ARHGEF10L: variants seen among roughly 807,000 people sequenced by gnomAD.
ARHGEF10L encodes Rho guanine nucleotide exchange factor 10 like, also known as rho guanine nucleotide exchange factor 10-like protein.
A neutral mutation model predicts 141.2 loss-of-function variants in ARHGEF10L; 69 were observed. The observed-to-expected ratio is 0.49, with a 90% CI of 0.40 to 0.60. The LOEUF (loss-of-function observed/expected upper bound fraction) is 0.60. ARHGEF10L is among the 20% of genes least tolerant of loss of function. ARHGEF10L has a pLI of 0.00. For synonymous variants in ARHGEF10L, 711 were observed against 718.5 expected, an observed-to-expected ratio of 0.99 and a Z score of 0.17; for missense variants, 1,482 against 1,734.3, an observed-to-expected ratio of 0.85 and a Z score of 2.58.
At chr1:17,522,756 A>AG in the ARHGEF10L span, among the ~76,000 whole-genome samples, 60 of 151,976 alleles carry the variant, frequency 3.9e-4, no homozygotes, top group African/African-American at 1.4e-3. Context: ...TGGGACTTTC[A>AG]GGGGGGTGAC....
At chr1:17,631,119 G>A (rs1279689685) in intron 15 of ARHGEF10L, among the ~76,000 whole-genome samples, 2 of 149,758 alleles carry the variant, frequency 1.3e-5, no homozygotes, top group Non-Finnish European at 3.0e-5. Context: ...CTTTGGGGAG[G>A]CTCAGGGTGA....
At chr1:17,690,670 C>T (rs918771183) in intron 27 of ARHGEF10L, among the ~76,000 whole-genome samples, 2 of 152,342 alleles carry the variant, frequency 1.3e-5, no homozygotes, top group South Asian at 4.1e-4. Flanking sequence ...TCCCTCTTCC[C>T]TCAGGCCTGA....
Position 17,697,155 on chromosome 1 carries a change from G to A in ARHGEF10L, c.3615G>A (p.Glu1205=), listed in dbSNP as rs2065569205. 1 of 1,612,050 alleles carries A rather than the reference G, an allele frequency of 6.2e-7. No homozygotes were observed. Among genetic ancestry groups the A allele is most frequent in the Non-Finnish European group, 8.5e-7 (1 of 1,179,570 alleles). The part of the protein sequence containing the change: ...PADGAALEHS[E]EDGSIYEMAD... ...ATGGCGCAGCTTTGGAGCACAGCGA[G>A]GAGGACGGCTCCATTTACGAGATGG... The change falls in exon 29 of 29, where the codon GAG becomes GAA. Residue 1205 remains glutamate, a synonymous_variant. Coordinates refer to ENST00000361221, the MANE Select transcript of ARHGEF10L (RefSeq NM_018125.4). This position sits in a 1 kb window ranked among gnomAD's most constrained non-coding sequence, Gnocchi z 4.8.
At chr1:17,660,695 G>A (rs969985431) in intron 25 of ARHGEF10L, among the ~76,000 whole-genome samples, 21 of 152,228 alleles carry the variant, frequency 1.4e-4, no homozygotes, top group Admixed American at 1.3e-3. Flanking sequence ...CCTCCTGAAG[G>A]TGCCTTTGCT....
At chr1:17,616,945 A>G (rs921835800) in intron 9 of ARHGEF10L, among the ~76,000 whole-genome samples, 2 of 152,200 alleles carry the variant, frequency 1.3e-5, no homozygotes, top group South Asian at 2.1e-4. Context: ...GTGCTGCCCT[A>G]TGAGCCTACA....
At chr1:17,527,773 A>G in the ARHGEF10L span, among the ~76,000 whole-genome samples, 16 of 151,444 alleles carry the variant, frequency 1.1e-4, no homozygotes, top group Admixed American at 2.6e-4. Context: ...AACTGCATCC[A>G]GTTTCCGACC....
At position 17,615,714 on chromosome 1, in the gene ARHGEF10L, A is replaced by C; in HGVS notation, c.727-380A>C. 1 of 175,894 alleles carries C rather than the reference A, an allele frequency of 5.7e-6. No individual in the cohort carries two copies. The highest frequency in any genetic ancestry group is 1.2e-5 in the Non-Finnish European group (1 of 82,182). The allele number at this position is 175,894 out of a possible 1,614,324, so 10.9% of individuals were successfully genotyped here. A position where few individuals can be genotyped will look rare whatever the true frequency, so the allele number is the denominator to read the frequency against. ...GCTGTTCCTCAGTTTTGCCTGGGGA[A>C]ATGGAGGCTCAGTGACGTTCAGTGA... On this transcript the variant is annotated intron_variant, in intron 8 of 28. Coordinates refer to ENST00000361221, the MANE Select transcript of ARHGEF10L (RefSeq NM_018125.4). This position sits in a 1 kb window ranked among gnomAD's most constrained non-coding sequence, Gnocchi z 4.7.
chr1:17,535,577 C>T (rs1478301217), upstream of ARHGEF10L, among the ~76,000 whole-genome samples: 1 of 152,150 alleles, frequency 6.6e-6, no homozygotes, highest in African/African-American at 2.4e-5. Context: ...GGAAATACCA[C>T]CCCTGTATGC....
chr1:17,518,667 C>T, the ARHGEF10L span, among the ~76,000 whole-genome samples: 6 of 151,806 alleles, frequency 4.0e-5, no homozygotes, highest in African/African-American at 9.7e-5. Context: ...TGGTGCACAC[C>T]TGTAGTCCCA....
intron 1 of ARHGEF10L, among the ~76,000 whole-genome samples, chr1:17,565,249 C>T (rs1440937713): frequency 6.6e-6 from 1 of 152,200 alleles, no homozygotes; most frequent in Non-Finnish European, 1.5e-5. Context: ...CCCCAAAGCC[C>T]CACTGCCTAA....
intron 1 of ARHGEF10L, among the ~76,000 whole-genome samples, chr1:17,564,004 C>G (rs1476952549): frequency 2.6e-5 from 4 of 152,218 alleles, no homozygotes; most frequent in Non-Finnish European, 5.9e-5. Context: ...GGTGCCCTTT[C>G]AAGGAGCCAG....
rs766125640 is a variant in ARHGEF10L at position 17,697,174 on chromosome 1, G to A, written c.3634G>A (p.Glu1212Lys). The A allele has an allele frequency of 8.7e-6, 14 of 1,611,932 alleles. No homozygotes were observed. Among genetic ancestry groups the A allele is most frequent in the African/African-American group, 2.7e-5 (2 of 74,924 alleles). The change falls in exon 29 of 29, where the codon GAG (glutamate) becomes AAG (lysine). Residue 1212 changes from glutamate to lysine, a missense_variant. Transcript: ENST00000361221. This position sits in a 1 kb window ranked among gnomAD's most constrained non-coding sequence, Gnocchi z 4.8. ...EHSEEDGSIY[E>K]MADDPDIWVR... ...CAGCGAGGAGGACGGCTCCATTTACGAGATGGCCGACGACCCCGACATCTG... is the reference window on the plus strand; with the variant it reads ...CAGCGAGGAGGACGGCTCCATTTACAAGATGGCCGACGACCCCGACATCTG...
At chr1:17,551,067 T>C (rs1037512024) in intron 1 of ARHGEF10L, among the ~76,000 whole-genome samples, 7 of 150,376 alleles carry the variant, frequency 4.7e-5, no homozygotes, top group Non-Finnish European at 8.9e-5. Context: ...GTGTAGGGAG[T>C]GAGGATTCAC....
the ARHGEF10L span, among the ~76,000 whole-genome samples, chr1:17,532,626 G>A: frequency 1.5e-5 from 2 of 134,554 alleles, no homozygotes; most frequent in Non-Finnish European, 3.1e-5. Context: ...ATGGAGTCTT[G>A]CTCTGTTGCC....
intron 4 of ARHGEF10L, among the ~76,000 whole-genome samples, chr1:17,601,422 A>G (rs527623537): frequency 1.1e-4 from 16 of 152,220 alleles, no homozygotes; most frequent in African/African-American, 3.9e-4. Context: ...TCCCACTTAC[A>G]GTCTTTTGAA....
intron 25 of ARHGEF10L, among the ~76,000 whole-genome samples, chr1:17,657,424 G>T (rs867662609): frequency 6.6e-6 from 1 of 152,188 alleles, no homozygotes; most frequent in African/African-American, 2.4e-5. Context: ...CTCTGGGCTT[G>T]TTCAGCCCCG....
Position 17,627,361 on chromosome 1 carries a change from C to T in ARHGEF10L, c.1442C>T (p.Pro481Leu), listed in dbSNP as rs759516800. The T allele has an allele frequency of 3.1e-5, 50 of 1,613,992 alleles. No homozygotes were observed. Among genetic ancestry groups the T allele is most frequent in the Admixed American group, 1.5e-4 (9 of 60,010 alleles). The change falls in exon 15 of 29, where the codon CCG becomes CTG. Residue 481 changes from proline to leucine, a missense_variant. Pro to Leu is a moderately conservative substitution (Grantham distance 98, BLOSUM62 -3). This residue lies in a region of ARHGEF10L where 392 missense variants were observed against 542.1 expected (regional missense o/e 0.72). Coordinates refer to ENST00000361221, the MANE Select transcript of ARHGEF10L (RefSeq NM_018125.4). This position sits in a 1 kb window ranked among gnomAD's most constrained non-coding sequence, Gnocchi z 4.0. ...DMLKNTPRGH[P>L]DRLSLQLALT... Reference sequence around the variant, plus strand: ...CTGAAGAACACCCCCAGGGGCCATCCGGACAGGCTGTCGCTGCAGCTGGCC... The same window carrying T: ...CTGAAGAACACCCCCAGGGGCCATCTGGACAGGCTGTCGCTGCAGCTGGCC...
At chr1:17,690,396 T>C (rs1407922031) in intron 27 of ARHGEF10L, among the ~76,000 whole-genome samples, 1 of 152,300 alleles carries the variant, frequency 6.6e-6, no homozygotes, top group African/African-American at 2.4e-5. Context: ...GTGAGGACAG[T>C]GCCCACAGTC....
At chr1:17,680,497 CG>C (rs1401227662) in intron 26 of ARHGEF10L, among the ~76,000 whole-genome samples, 1 of 152,144 alleles carries the variant, frequency 6.6e-6, no homozygotes, top group African/African-American at 2.4e-5. Flanking sequence ...GCGCCTGTAG[CG>C]GGTGGATGGG....
Sources: allele counts gnomAD v4.1 joint callset (sites outside exome capture counted in the v4.1 genomes callset), GRCh38; gene constraint gnomAD v4.1.1; regional missense constraint gnomAD v4.1.1; non-coding constraint Gnocchi (gnomAD v3.1); transcripts MANE v1.5; gene names NCBI Gene and HGNC (gene_info 2026-07-23, HGNC 2026-07-21).